Variants in RHOQ observed in about 807,000 individuals in gnomAD.
RHOQ encodes the protein ras homolog family member Q.
In RHOQ, 7 loss-of-function variants were observed where a neutral mutation model predicts 25.8. The ratio of observed to expected loss-of-function variants is 0.27; its 90% CI spans 0.15 to 0.51. RHOQ has a LOEUF of 0.51. Ranked by LOEUF, RHOQ falls within the 20% of genes least tolerant of loss-of-function variation. RHOQ has a pLI of 0.97. For missense variants in RHOQ, 165 were observed against 260.6 expected, an observed-to-expected ratio of 0.63 and a Z score of 2.53; for synonymous variants, 97 against 98.6, an observed-to-expected ratio of 0.98 and a Z score of 0.10.
chr2:46,565,406 A>G (rs1187976735), intron 2 of RHOQ, among the ~76,000 whole-genome samples: 2 of 152,214 alleles, frequency 1.3e-5, no homozygotes, highest in East Asian at 3.8e-4. Flanking sequence ...TGTCAAGACA[A>G]TGCAGAAAAA....
intron 2 of RHOQ, among the ~76,000 whole-genome samples, chr2:46,563,798 T>C (rs1261105847): frequency 2.0e-5 from 3 of 151,998 alleles, no homozygotes; most frequent in African/African-American, 7.2e-5. Context: ...TGTGGACCTG[T>C]GTGTATTTCT....
At chr2:46,561,173 G>A (rs1264411388) in intron 2 of RHOQ, among the ~76,000 whole-genome samples, 1 of 151,710 alleles carries the variant, frequency 6.6e-6, no homozygotes, top group African/African-American at 2.4e-5. Context: ...ATATATGTGT[G>A]TGTATATATA....
At chr2:46,573,658 G>A (rs1183516100) in intron 2 of RHOQ, among the ~76,000 whole-genome samples, 1 of 152,068 alleles carries the variant, frequency 6.6e-6, no homozygotes, top group Non-Finnish European at 1.5e-5. Context: ...TAAAATACTT[G>A]GATTAATATT....
chr2:46,565,644 GC>G (rs771369437), intron 2 of RHOQ, among the ~76,000 whole-genome samples: 2 of 152,220 alleles, frequency 1.3e-5, no homozygotes, highest in Non-Finnish European at 2.9e-5. Context: ...ACTTTCTCAA[GC>G]TTTGTAGCTG....
At chr2:46,545,603 G>C (rs1214774512) in intron 2 of RHOQ, among the ~76,000 whole-genome samples, 1 of 152,210 alleles carries the variant, frequency 6.6e-6, no homozygotes, top group Non-Finnish European at 1.5e-5. Flanking sequence ...AGAGAAGCTA[G>C]GTTGCTTGCC....
rs548346265 is a variant in RHOQ at position 46,566,390 on chromosome 2, C to T, written c.202-9697C>T. ...TTCTCTCCCTATGGTGCTTCTCTAC[C>T]CTACCCTCAGTTTTCTTCATCCCTC... is the stretch of plus-strand genomic sequence containing the variant. On this transcript the variant is annotated intron_variant, in intron 2 of 4. Coordinates refer to ENST00000238738, the MANE Select transcript of RHOQ (RefSeq NM_012249.4). The surrounding 1 kb of genome is among the most constrained non-coding windows in gnomAD (Gnocchi z 4.2). Among the ~76,000 whole-genome samples the T allele has an allele frequency of 2.6e-4, 39 of 152,108 alleles. 1 individual carries two copies. The South Asian group carries it at 4.8e-3, about 19-fold the overall frequency.
intron 1 of RHOQ, 108 bp downstream of exon 1, chr2:46,543,296 C>T: frequency 2.3e-6 from 3 of 1,282,298 alleles, no homozygotes; most frequent in Non-Finnish European, 3.3e-6. Context: ...CCTCTCCCCT[C>T]CCCCGCCGCG....
Position 46,569,656 on chromosome 2 carries a change from T to C in RHOQ, c.202-6431T>C, listed in dbSNP as rs1668850237. ...AAGATCTAGTTCTCTAGCTCCTAAA[T>C]AATTGGTATATTAATTAGGAGGCTG... On this transcript the variant is annotated intron_variant, in intron 2 of 4. Transcript: ENST00000238738. The surrounding 1 kb of genome is among the most constrained non-coding windows in gnomAD (Gnocchi z 4.1). 1 of 152,178 alleles carries C rather than the reference T, an allele frequency of 6.6e-6. No homozygotes were observed. Among genetic ancestry groups the C allele is most frequent in the Admixed American group, 6.5e-5 (1 of 15,278 alleles). The allele number at this position is 152,178 out of a possible 1,614,324, so 9.4% of individuals were successfully genotyped here. A position where few individuals can be genotyped will look rare whatever the true frequency, so the allele number is the denominator to read the frequency against.
At chr2:46,545,884 A>G (rs1028146022) in intron 2 of RHOQ, among the ~76,000 whole-genome samples, 1 of 152,092 alleles carries the variant, frequency 6.6e-6, no homozygotes, top group Non-Finnish European at 1.5e-5. Context: ...CTTTCCATAT[A>G]TGGCCGTAAT....
chr2:46,543,484 A>C (rs1667910373), intron 1 of RHOQ: 1 of 599,280 alleles, frequency 1.7e-6, no homozygotes, highest in Non-Finnish European at 3.0e-6. Context: ...TACTGCCCCA[A>C]GGCCCCGGGG....
rs1669171984 is a variant in RHOQ at position 46,577,513 on chromosome 2, C to T, written c.462+857C>T. ...CTCCCGTGTTCATGCCATTCTCCTGCCTCAGCCTCCCAAGTAGCTGGGACT... is the reference window on the plus strand; with the variant it reads ...CTCCCGTGTTCATGCCATTCTCCTGTCTCAGCCTCCCAAGTAGCTGGGACT... On this transcript the variant is annotated intron_variant, in intron 4 of 4. Transcript: ENST00000238738. Among the ~76,000 whole-genome samples, 3 of 149,346 alleles carry T rather than the reference C, an allele frequency of 2.0e-5. No homozygotes were observed. In the South Asian group the frequency reaches 6.4e-4, roughly 32 times the overall value.
rs375851842 is a variant in RHOQ, at chr2:46,543,826, C to T, written c.201+14C>T. 1.3e-5 allele frequency: 21 copies of T among 1,610,806 alleles called. No individual in the cohort carries two copies. The highest frequency in any genetic ancestry group is 1.1e-4 in the African/African-American group (8 of 74,886). ...ACGGCCGGACAGGTGAGTGTCTTGGCCTCTGGCCGACGCCCCCCTCCTGTT... is the reference window on the plus strand; with the variant it reads ...ACGGCCGGACAGGTGAGTGTCTTGGTCTCTGGCCGACGCCCCCCTCCTGTT... On this transcript the variant is annotated intron_variant, in intron 2 of 4. Transcript: ENST00000238738.
intron 2 of RHOQ, among the ~76,000 whole-genome samples, chr2:46,565,020 G>A (rs1207832548): frequency 6.6e-6 from 1 of 152,214 alleles, no homozygotes; most frequent in African/African-American, 2.4e-5. Context: ...CTTTTATAGT[G>A]TGGAGGAGAG....
In RHOQ at chr2:46,543,801, A is replaced by ACGG; in HGVS notation, c.192_194dup (p.Ala65dup). Reference sequence around the variant, plus strand: ...GCAGTACCTCCTAGGACTCTATGACACGGCCGGACAGGTGAGTGTCTTGGC... The same window carrying ACGG: ...GCAGTACCTCCTAGGACTCTATGACACGGCGGCCGGACAGGTGAGTGTCTTGGC... On this transcript the variant is annotated inframe_insertion, in exon 2 of 5. Coordinates refer to ENST00000238738, the MANE Select transcript of RHOQ (RefSeq NM_012249.4). 1 of 1,613,622 alleles carries ACGG rather than the reference A, an allele frequency of 6.2e-7. No homozygotes were observed. The highest frequency in any genetic ancestry group is 2.2e-5 in the East Asian group (1 of 44,874).
Position 46,576,492 on chromosome 2 carries a change from G to C in RHOQ, c.367-69G>C. On this transcript the variant is annotated intron_variant, in intron 3 of 4. Coordinates refer to ENST00000238738, the MANE Select transcript of RHOQ (RefSeq NM_012249.4). This position sits in a 1 kb window ranked among gnomAD's most constrained non-coding sequence, Gnocchi z 5.1. ...TTTTTGGTATGTGGGAATTAAGTGG[G>C]ATTACATGCTTTGATTTTTCTTTAA... 1.0e-6 allele frequency: 1 copy of C among 1,002,670 alleles called. No individual in the cohort carries two copies. The highest frequency in any genetic ancestry group is 1.5e-5 in the South Asian group (1 of 65,236). 62.1% of individuals were successfully genotyped at this position (1,002,670 alleles called of 1,614,324 possible).
chr2:46,572,091 C>T (rs1184393895), intron 2 of RHOQ, among the ~76,000 whole-genome samples: 1 of 133,576 alleles, frequency 7.5e-6, no homozygotes, highest in South Asian at 2.5e-4. Flanking sequence ...AGATTCTTAT[C>T]AGGTGGTAAG....
chr2:46,582,655 T>C lies in RHOQ; in HGVS notation c.*1572T>C, dbSNP rs1448097600. ...TTTAAATGTCTTTGGTGGGCTTCTG[T>C]TAATTCACATGACTTGAGCTTATAG... On this transcript the variant is annotated 3_prime_UTR_variant, in exon 5 of 5. Transcript: ENST00000238738. 1 of 152,674 alleles carries C rather than the reference T, an allele frequency of 6.5e-6. No individual in the cohort carries two copies. Among genetic ancestry groups the C allele is most frequent in the African/African-American group, 2.4e-5 (1 of 41,472 alleles). The allele number at this position is 152,674 out of a possible 1,614,324, so 9.5% of individuals were successfully genotyped here. A position where few individuals can be genotyped will look rare whatever the true frequency, so the allele number is the denominator to read the frequency against.
chr2:46,556,487 A>AT lies in RHOQ; in HGVS notation c.201+12688dup, dbSNP rs34520266. 5.2e-4 allele frequency among the ~76,000 whole-genome samples: 76 copies of AT among 146,086 alleles called. No homozygotes were observed. Among genetic ancestry groups the AT allele is most frequent in the South Asian group, 3.0e-3 (14 of 4,606 alleles). On this transcript the variant is annotated intron_variant, in intron 2 of 4. Transcript: ENST00000238738. The surrounding 1 kb of genome is among the most constrained non-coding windows in gnomAD (Gnocchi z 4.9). The stretch of plus-strand genomic sequence containing the variant: ...TTCTTTTTCTTAAAAAATTTTTTTA[A>AT]TTTTTTTTTTTTTGTTCCTTTTAAT...
At chr2:46,573,035 A>G (rs1232554569) in intron 2 of RHOQ, among the ~76,000 whole-genome samples, 2 of 151,752 alleles carry the variant, frequency 1.3e-5, no homozygotes, top group African/African-American at 4.8e-5. Context: ...GGATAGAAGC[A>G]GAAAGGTCTC....
Sources: gnomAD v4.1 joint callset for allele counts (sites outside exome capture counted in the v4.1 genomes callset) on GRCh38, gnomAD v4.1.1 for gene constraint, Gnocchi (gnomAD v3.1) non-coding constraint, MANE v1.5 for transcripts, NCBI Gene and HGNC (gene_info 2026-07-23, HGNC 2026-07-21) for gene names.